OPCML: variants seen among roughly 807,000 people sequenced by gnomAD.
OPCML encodes the protein opioid binding protein/cell adhesion molecule like, also known as opioid-binding protein/cell adhesion molecule.
A neutral mutation model predicts 37.8 loss-of-function variants in OPCML; 13 were observed. The ratio of observed to expected loss-of-function variants is 0.34; its 90% CI spans 0.22 to 0.55. The LOEUF is 0.55. OPCML is among the 20% of genes least tolerant of loss of function. OPCML has a pLI of 0.91. For synonymous variants in OPCML, 176 were observed against 168.8 expected (o/e 1.04, Z -0.33); for missense variants, 341 against 435.6 (o/e 0.78, Z 1.93).
intron 1 of OPCML, among the ~76,000 whole-genome samples, chr11:133,052,138 T>A (rs1948143801): frequency 6.6e-6 from 1 of 152,228 alleles, no homozygotes; most frequent in Non-Finnish European, 1.5e-5. Flanking sequence ...AACACTGTTC[T>A]GATGAGTAGG....
intron 2 of OPCML, among the ~76,000 whole-genome samples, chr11:132,806,416 G>T (rs980455853): frequency 2.6e-5 from 4 of 152,018 alleles, no homozygotes; most frequent in African/African-American, 9.7e-5. Flanking sequence ...GATGAGAGAA[G>T]ATATAACATG....
intron 2 of OPCML, among the ~76,000 whole-genome samples, chr11:132,873,396 C>T (rs1422101722): frequency 6.6e-6 from 1 of 152,046 alleles, no homozygotes; most frequent in Non-Finnish European, 1.5e-5. Context: ...CCAAGAGCCC[C>T]CCAGGTGTAG....
chr11:133,497,950 C>T (rs1250195483), intron 1 of OPCML, among the ~76,000 whole-genome samples: 5 of 152,246 alleles, frequency 3.3e-5, no homozygotes, highest in Non-Finnish European at 5.9e-5. Flanking sequence ...GTCAGTTTCA[C>T]GGACCAGGGC....
At chr11:133,397,539 G>A (rs1222616671) in intron 1 of OPCML, among the ~76,000 whole-genome samples, 1 of 152,246 alleles carries the variant, frequency 6.6e-6, no homozygotes, top group Admixed American at 6.5e-5. Context: ...AGAAAGCAGA[G>A]AGAGGGAATG....
At chr11:133,440,033 T>C (rs947721567) in intron 1 of OPCML, among the ~76,000 whole-genome samples, 21 of 152,174 alleles carry the variant, frequency 1.4e-4, no homozygotes, top group Admixed American at 3.9e-4. Context: ...TGACTATTCC[T>C]GAGTAAACCA....
At chr11:132,466,806 A>G (rs1285296508) in intron 4 of OPCML, among the ~76,000 whole-genome samples, 1 of 152,204 alleles carries the variant, frequency 6.6e-6, no homozygotes, top group African/African-American at 2.4e-5. Flanking sequence ...GTTGGTACAC[A>G]TTCATCCATT....
chr11:133,155,005 G>A (rs138060362), intron 1 of OPCML, among the ~76,000 whole-genome samples: 173 of 152,258 alleles, frequency 1.1e-3, no homozygotes, highest in South Asian at 1.7e-3. Flanking sequence ...CTGGGTTAGT[G>A]TAGATTGCTG....
intron 1 of OPCML, among the ~76,000 whole-genome samples, chr11:133,085,265 G>C: frequency 6.6e-6 from 1 of 152,306 alleles, no homozygotes; most frequent in East Asian, 1.9e-4. Flanking sequence ...GATTGACAGA[G>C]TTCACACCCT....
intron 2 of OPCML, among the ~76,000 whole-genome samples, chr11:132,687,327 C>G (rs1246324132): frequency 7.8e-6 from 1 of 128,012 alleles, no homozygotes; most frequent in African/African-American, 3.2e-5. Context: ...ACTTCTATTT[C>G]TCAATCTATG....
At chr11:133,366,593 G>C (rs1235882387) in intron 1 of OPCML, among the ~76,000 whole-genome samples, 6 of 152,180 alleles carry the variant, frequency 3.9e-5, no homozygotes, top group Non-Finnish European at 8.8e-5. Context: ...ATGGGGAGAA[G>C]AAGGCGGAAG....
chr11:133,280,536 T>A (rs898419640), intron 1 of OPCML, among the ~76,000 whole-genome samples: 11 of 152,214 alleles, frequency 7.2e-5, no homozygotes, highest in Admixed American at 4.6e-4. Context: ...TCAAATCCCC[T>A]AACATTTGCG....
At chr11:132,755,774 A>C (rs1289333899) in intron 2 of OPCML, among the ~76,000 whole-genome samples, 2 of 152,190 alleles carry the variant, frequency 1.3e-5, no homozygotes, top group African/African-American at 4.8e-5. Flanking sequence ...AGTCAAAATA[A>C]AGCCACAACC....
At chr11:133,012,179 G>A (rs990194313) in intron 1 of OPCML, among the ~76,000 whole-genome samples, 1 of 152,122 alleles carries the variant, frequency 6.6e-6, no homozygotes, top group African/African-American at 2.4e-5. Context: ...GGGGTTTGAG[G>A]TTAGGGATGA....
At chr11:132,979,776 G>A (rs1057202160) in intron 1 of OPCML, among the ~76,000 whole-genome samples, 13 of 152,326 alleles carry the variant, frequency 8.5e-5, no homozygotes, top group African/African-American at 3.1e-4. Flanking sequence ...CCCTGGGAGA[G>A]GGAGGGTTTA....
intron 1 of OPCML, among the ~76,000 whole-genome samples, chr11:133,319,923 C>G (rs1262491450): frequency 2.0e-5 from 3 of 152,268 alleles, no homozygotes; most frequent in East Asian, 3.9e-4. Context: ...TTGGAATTTC[C>G]AAGGCATATG....
At chr11:133,381,588 G>T (rs1944928527) in intron 1 of OPCML, among the ~76,000 whole-genome samples, 1 of 152,172 alleles carries the variant, frequency 6.6e-6, no homozygotes, top group Non-Finnish European at 1.5e-5. Flanking sequence ...CACCCCTGGA[G>T]AAAGTGTGGA....
intron 1 of OPCML, among the ~76,000 whole-genome samples, chr11:133,317,719 A>G (rs1943239047): frequency 6.6e-6 from 1 of 152,168 alleles, no homozygotes; most frequent in Admixed American, 6.5e-5. Context: ...TTAAAACCAG[A>G]TGAGATAATT....
chr11:133,161,985 C>CT (rs553617547), intron 1 of OPCML, among the ~76,000 whole-genome samples: 10,408 of 85,146 alleles, frequency 0.12, 1,265 homozygotes, highest in African/African-American at 0.18. Context: ...CAGTCTCTGT[C>CT]TTTTTTTTTT....
At chr11:132,539,291 G>A (rs1052009257) in intron 3 of OPCML, among the ~76,000 whole-genome samples, 1 of 152,132 alleles carries the variant, frequency 6.6e-6, no homozygotes, top group Non-Finnish European at 1.5e-5. Context: ...GGTTTGTTGT[G>A]GGCAGAGCTG....
Sources: allele counts gnomAD v4.1 joint callset (sites outside exome capture counted in the v4.1 genomes callset), GRCh38; gene constraint gnomAD v4.1.1; transcripts MANE v1.5; gene names NCBI Gene and HGNC (gene_info 2026-07-23, HGNC 2026-07-21).